The following NLN variants were observed in gnomAD, a reference collection of about 807,000 sequenced individuals.
NLN encodes the protein neurolysin, also known as neurolysin, mitochondrial.
In NLN, 64 loss-of-function variants were observed where a neutral mutation model predicts 79.9. The observed-to-expected ratio is 0.80, with a 90% CI of 0.65 to 0.99. The LOEUF is 0.99. Ranked by LOEUF, NLN falls within the 50% of genes least tolerant of loss-of-function variation. NLN has a pLI of 0.00. For missense variants in NLN, 835 were observed against 858.7 expected (o/e 0.97, Z 0.34); for synonymous variants, 267 against 296.6 (o/e 0.90, Z 1.02).
intron 1 of NLN, among the ~76,000 whole-genome samples, chr5:65,729,712 C>T (rs1263738651): frequency 6.6e-6 from 1 of 152,100 alleles, no homozygotes; most frequent in Non-Finnish European, 1.5e-5. Flanking sequence ...TCCTTTAACC[C>T]TGGTTTTGGT....
chr5:65,821,157 G>A (rs946576541), intron 12 of NLN, among the ~76,000 whole-genome samples: 5 of 152,052 alleles, frequency 3.3e-5, no homozygotes, highest in Non-Finnish European at 7.4e-5. Context: ...TCAAGCCCTC[G>A]TCGTCAGGTT....
In NLN at chr5:65,811,851, A is replaced by T. The variant is rs146288043; in HGVS notation, c.1844-404A>T. On this transcript the variant is annotated intron_variant, in intron 11 of 12. Transcript: ENST00000380985. ...AAAAGTTCTTTTTCAGTAATTATCA[A>T]CCTAAAATAAGTGCAATTCTGAGAC... Among the ~76,000 whole-genome samples, 791 of 152,262 alleles carry T rather than the reference A, an allele frequency of 5.2e-3. 3 individuals carry two copies. The highest frequency in any genetic ancestry group is 0.018 in the African/African-American group (757 of 41,556).
chr5:65,756,854 T>A (rs995816681), intron 1 of NLN, among the ~76,000 whole-genome samples: 2 of 152,160 alleles, frequency 1.3e-5, no homozygotes, highest in African/African-American at 4.8e-5. Flanking sequence ...TAAATGACCT[T>A]ACTTACCTTT....
Position 65,751,061 on chromosome 5 carries a change from G to A in NLN, c.42-7506G>A, listed in dbSNP as rs148731493. On this transcript the variant is annotated intron_variant, in intron 1 of 12. Transcript: ENST00000380985. Reference sequence around the variant, plus strand: ...ATAATTAAACTTATACAGGAATTCCGGTCTTGTGGGGAGATTGATTTAATG... The same window carrying A: ...ATAATTAAACTTATACAGGAATTCCAGTCTTGTGGGGAGATTGATTTAATG... Among the ~76,000 whole-genome samples, 902 of 152,272 alleles carry A rather than the reference G, an allele frequency of 5.9e-3. 19 individuals are homozygous for A. The highest frequency in any genetic ancestry group is 0.045 in the Admixed American group (685 of 15,282).
rs181143995 is a variant in NLN at position 65,774,571 on chromosome 5, C to T, written c.451-2856C>T. 9.9e-5 allele frequency among the ~76,000 whole-genome samples: 15 copies of T among 152,202 alleles called. No individual in the cohort carries two copies. The East Asian group carries it at 2.5e-3, about 25-fold the overall frequency. ...AGTAGCACATTTTAGAAGTGCCTTA[C>T]TCCTACCAAAGAACTCTGGGGATTT... On this transcript the variant is annotated intron_variant, in intron 3 of 12. Transcript: ENST00000380985.
intron 9 of NLN, among the ~76,000 whole-genome samples, chr5:65,807,385 A>G (rs755424263): frequency 6.6e-6 from 1 of 151,588 alleles, no homozygotes; most frequent in Non-Finnish European, 1.5e-5. Flanking sequence ...GATCATTAGC[A>G]TTTTTTAACA....
At chr5:65,792,401 A>G in intron 8 of NLN, 53 bp from the exon 9 acceptor site, 3 of 1,087,830 alleles carry the variant, frequency 2.8e-6, no homozygotes, top group Non-Finnish European at 4.2e-6. Flanking sequence ...ATGCCAGTGT[A>G]GTTGCTAGAG....
At chr5:65,790,257 G>A (rs1760025718) in intron 8 of NLN, among the ~76,000 whole-genome samples, 1 of 152,148 alleles carries the variant, frequency 6.6e-6, no homozygotes, top group Admixed American at 6.5e-5. Flanking sequence ...TTTGAGTGCT[G>A]AAAAGTAGGT....
chr5:65,739,103 A>G (rs189537927), intron 1 of NLN, among the ~76,000 whole-genome samples: 2 of 141,036 alleles, frequency 1.4e-5, no homozygotes, highest in Non-Finnish European at 3.1e-5. Flanking sequence ...GGGTTTCACC[A>G]TGTTCGCCAG....
chr5:65,805,837 A>T (rs1444998717), intron 9 of NLN, among the ~76,000 whole-genome samples: 2 of 152,228 alleles, frequency 1.3e-5, no homozygotes, highest in Non-Finnish European at 2.9e-5. Context: ...TGCTAGAGAG[A>T]TGTCAATGCC....
At chr5:65,735,881 A>G (rs1212797876) in intron 1 of NLN, among the ~76,000 whole-genome samples, 1 of 152,134 alleles carries the variant, frequency 6.6e-6, no homozygotes, top group Non-Finnish European at 1.5e-5. Flanking sequence ...TCTTATTTGG[A>G]ACATTCTTTT....
At chr5:65,769,422 A>C (rs1009711089) in intron 3 of NLN, among the ~76,000 whole-genome samples, 8 of 152,238 alleles carry the variant, frequency 5.3e-5, no homozygotes, top group African/African-American at 1.9e-4. Context: ...TGTAACACAA[A>C]AGATAAGTGC....
intron 3 of NLN, among the ~76,000 whole-genome samples, chr5:65,767,869 A>G (rs933647556): frequency 6.6e-6 from 1 of 152,238 alleles, no homozygotes; most frequent in Non-Finnish European, 1.5e-5. Context: ...AAAGTTCCAC[A>G]GATCTCTAGG....
At chr5:65,777,600 A>G (rs1759707420) in intron 4 of NLN, 66 bp downstream of exon 4, 1 of 1,064,226 alleles carries the variant, frequency 9.4e-7, no homozygotes, top group Admixed American at 2.1e-5. Flanking sequence ...ATACTGGTTG[A>G]ACATCCCTAA....
At chr5:65,758,528 G>A in intron 1 of NLN, 39 bp from the exon 2 acceptor site, 1 of 1,493,220 alleles carries the variant, frequency 6.7e-7, no homozygotes, top group Non-Finnish European at 9.3e-7. Flanking sequence ...TGGACCAACA[G>A]AAATCCCTAA....
intron 2 of NLN, among the ~76,000 whole-genome samples, 164 bp from the exon 3 acceptor site, chr5:65,762,796 C>T (rs973157973): frequency 2.6e-5 from 4 of 152,106 alleles, no homozygotes; most frequent in African/African-American, 9.7e-5. Flanking sequence ...CAGCCAAATC[C>T]TATATTAGAT....
chr5:65,795,042 G>A (rs144965441), intron 9 of NLN, among the ~76,000 whole-genome samples: 3 of 152,062 alleles, frequency 2.0e-5, no homozygotes, highest in African/African-American at 4.8e-5. Flanking sequence ...TCTTTCTTAG[G>A]TGTTTTTAAA....
intron 11 of NLN, among the ~76,000 whole-genome samples, chr5:65,810,416 A>G (rs1344876159): frequency 6.6e-6 from 1 of 152,222 alleles, no homozygotes; most frequent in Non-Finnish European, 1.5e-5. Flanking sequence ...TCCGCCCCAG[A>G]GCTGGGAGAG....
intron 1 of NLN, among the ~76,000 whole-genome samples, chr5:65,727,921 C>G (rs527727528): frequency 7.6e-4 from 116 of 152,158 alleles, no homozygotes; most frequent in Non-Finnish European, 1.4e-3. Flanking sequence ...TCCCCACAAC[C>G]ACGCCTGGCT....
Sources: allele counts gnomAD v4.1 joint callset (sites outside exome capture counted in the v4.1 genomes callset), GRCh38; gene constraint gnomAD v4.1.1; transcripts MANE v1.5; gene names NCBI Gene and HGNC (gene_info 2026-07-23, HGNC 2026-07-21).